The following ZNF808 variants were observed in gnomAD, a reference collection of about 807,000 sequenced individuals.
ZNF808 encodes the protein zinc finger protein 808.
A neutral mutation model predicts 8.7 loss-of-function variants in ZNF808; 5 were observed. The observed-to-expected ratio is 0.58, with a 90% CI of 0.30 to 1.21. ZNF808 has a LOEUF of 1.21. Ranked by LOEUF, ZNF808 falls within the 50% of genes most tolerant of loss-of-function variation. The pLI is 0.07. For missense variants in ZNF808, 1,103 were observed against 1,098.4 expected (o/e 1.00, Z -0.06); for synonymous variants, 380 against 366.0 (o/e 1.04, Z -0.44).
At chr19:52,553,065 T>C (rs2059793271) in intron 4 of ZNF808, 42 bp from the exon 5 acceptor site, 2 of 1,508,150 alleles carry the variant, frequency 1.3e-6, no homozygotes, top group Non-Finnish European at 1.8e-6. Context: ...TGATTTACCA[T>C]CTGTACTTAA....
At chr19:52,551,181 G>A (rs1354161601) in intron 4 of ZNF808, among the ~76,000 whole-genome samples, 3 of 151,796 alleles carry the variant, frequency 2.0e-5, no homozygotes, top group Non-Finnish European at 4.4e-5. Context: ...GTGAAACCCC[G>A]TCTCTAGTAA....
Position 52,553,218 on chromosome 19 carries a change from T to G in ZNF808, c.302T>G (p.Phe101Cys), listed in dbSNP as rs368041948. 2.9e-5 allele frequency: 46 copies of G among 1,613,980 alleles called. 2 individuals are homozygous for G. Among genetic ancestry groups the G allele is most frequent in the Admixed American group, 5.0e-5 (3 of 59,990 alleles). The change falls in exon 5 of 5, where the codon TTT (phenylalanine) becomes TGT (cysteine). Residue 101 changes from phenylalanine to cysteine, a missense_variant. Phe to Cys is a radical substitution (Grantham distance 205). Transcript: ENST00000359798. Reference protein sequence around the residue: ...QRHQSYHIGDFCFQEIEKEIH... With the variant: ...QRHQSYHIGDCCFQEIEKEIH... Reference sequence around the variant, plus strand: ...CATCAAAGTTATCACATTGGAGACTTTTGCTTCCAGGAAATTGAGAAAGAA... The same window carrying G: ...CATCAAAGTTATCACATTGGAGACTGTTGCTTCCAGGAAATTGAGAAAGAA...
intron 2 of ZNF808, among the ~76,000 whole-genome samples, chr19:52,534,846 G>C (rs963765211): frequency 6.6e-6 from 1 of 151,968 alleles, no homozygotes; most frequent in East Asian, 1.9e-4. Context: ...CCACGATCTC[G>C]CAACTGCACC....
chr19:52,544,163 G>GAA (rs1048074388), intron 3 of ZNF808, among the ~76,000 whole-genome samples: 1 of 151,832 alleles, frequency 6.6e-6, no homozygotes, highest in Non-Finnish European at 1.5e-5. Context: ...TGTCTCAAAA[G>GAA]AAAAAAGAGA....
rs771987372 is a variant in ZNF808, at chr19:52,553,798, G to A, written c.882G>A (p.Lys294=). 1.8e-5 allele frequency: 29 copies of A among 1,613,994 alleles called. No homozygotes were observed. The East Asian group carries it at 6.0e-4, about 33-fold the overall frequency. The change falls in exon 5 of 5, where the codon AAG becomes AAA. Residue 294 remains lysine, a synonymous_variant. Coordinates refer to ENST00000359798, the MANE Select transcript of ZNF808 (RefSeq NM_001039886.4). The stretch of plus-strand genomic sequence containing the variant: ...CTTACAAGTGTAAAGAGTGTGGAAA[G>A]TCCTTCAGTTACAAGTCATCCCTTA... ...EKPYKCKECG[K]SFSYKSSLTC... is the part of the protein sequence containing the mutation.
At chr19:52,542,817 T>A (rs2123128374) in intron 2 of ZNF808, among the ~76,000 whole-genome samples, 1 of 149,382 alleles carries the variant, frequency 6.7e-6, no homozygotes, top group Non-Finnish European at 1.5e-5. Context: ...TGAGTTTCCT[T>A]TTTTTTTTTG....
At chr19:52,535,871 C>G (rs1008805706) in intron 2 of ZNF808, 9 of 152,258 alleles carry the variant, frequency 5.9e-5, no homozygotes, top group Non-Finnish European at 1.2e-4. Flanking sequence ...GCACAGGTCC[C>G]GCCCCGGCCC....
intron 1 of ZNF808, among the ~76,000 whole-genome samples, chr19:52,531,505 A>G (rs2059561717): frequency 6.6e-6 from 1 of 150,932 alleles, no homozygotes; most frequent in East Asian, 1.9e-4. Context: ...TAATTAATTA[A>G]TAATAAAAAT....
In ZNF808 at chr19:52,555,305, G is replaced by A; in HGVS notation, c.2389G>A (p.Asp797Asn). Residue 797 changes from aspartate to asparagine, a missense_variant, in exon 5 of 5, where the codon GAC becomes AAC. Coordinates refer to ENST00000359798, the MANE Select transcript of ZNF808 (RefSeq NM_001039886.4). The part of the protein sequence containing the change: ...GEKSYKCTVC[D>N]KAFVRNSYLA... ...GAAATCTTACAAATGTACGGTTTGT[G>A]ACAAGGCTTTCGTGCGTAATTCATA... 6.2e-7 allele frequency: 1 copy of A among 1,614,170 alleles called. No homozygotes were observed. The highest frequency in any genetic ancestry group is 8.5e-7 in the Non-Finnish European group (1 of 1,180,022).
chr19:52,538,478 G>A (rs2059635384), intron 2 of ZNF808, among the ~76,000 whole-genome samples: 1 of 150,656 alleles, frequency 6.6e-6, no homozygotes, highest in Admixed American at 6.7e-5. Context: ...CTGAGTATCT[G>A]GGATTACAGG....
chr19:52,564,257 T>C (rs748694159), exon 4 of ZNF808: 9 of 871,574 alleles, frequency 1.0e-5, no homozygotes, highest in African/African-American at 3.3e-5. Context: ...ATGGCACACA[T>C]ATTTATGCTG....
intron 2 of ZNF808, among the ~76,000 whole-genome samples, chr19:52,538,351 T>TATTATTATTATTATTATTATC (rs1479612086): frequency 2.1e-3 from 315 of 148,890 alleles, no homozygotes; most frequent in Non-Finnish European, 2.6e-3. Context: ...TTATTATTAT[T>TATTATTATTATTATTATTATC]AGTTTTTTGA....
intron 3 of ZNF808, among the ~76,000 whole-genome samples, chr19:52,544,312 C>A (rs2059700735): frequency 6.6e-6 from 1 of 152,014 alleles, no homozygotes; most frequent in South Asian, 2.1e-4. Flanking sequence ...CATGGGTCAC[C>A]ATATGTATGT....
downstream of ZNF808, among the ~76,000 whole-genome samples, chr19:52,558,868 A>C (rs1312208054): frequency 6.6e-6 from 1 of 152,224 alleles, no homozygotes. Context: ...TGTCAACTCA[A>C]GGTTAAATGG....
chr19:52,555,597 A>G lies in ZNF808; in HGVS notation c.2681A>G (p.Gln894Arg). 6.2e-7 allele frequency: 1 copy of G among 1,608,736 alleles called. No individual in the cohort carries two copies. Among genetic ancestry groups the G allele is most frequent in the Non-Finnish European group, 8.5e-7 (1 of 1,177,496 alleles). The change falls in exon 5 of 5, where the codon CAG (glutamine) becomes CGG (arginine). Residue 894 changes from glutamine (Q) to arginine (R), a missense_variant. Physicochemically the swap from Gln to Arg is conservative, Grantham distance 43. Coordinates refer to ENST00000359798, the MANE Select transcript of ZNF808 (RefSeq NM_001039886.4). ...GACCGGTCAACACTTATTCACCATC[A>G]GGCAATTCATGGTATAGGGAAATTT... ...FSDRSTLIHH[Q>R]AIHGIGKFD
At chr19:52,547,739 G>GGTTTTTTTT (rs1491196956) in intron 4 of ZNF808, 101 bp downstream of exon 4, 2 of 843,142 alleles carry the variant, frequency 2.4e-6, no homozygotes, top group Non-Finnish European at 1.6e-6. Context: ...ATCCATGCTG[G>GGTTTTTTTT]TTTTTTTTTT....
intron 4 of ZNF808, among the ~76,000 whole-genome samples, chr19:52,549,747 G>A (rs1328447572): frequency 1.3e-5 from 2 of 152,050 alleles, no homozygotes; most frequent in Non-Finnish European, 2.9e-5. Flanking sequence ...CATTGATCTG[G>A]ATGCAAATAC....
chr19:52,544,163 GAA>G (rs1048074388), intron 3 of ZNF808, among the ~76,000 whole-genome samples: 2 of 151,832 alleles, frequency 1.3e-5, no homozygotes, highest in African/African-American at 4.8e-5. Flanking sequence ...TGTCTCAAAA[GAA>G]AAAAGAGAGA....
chr19:52,538,601 G>A (rs999661772), intron 2 of ZNF808, among the ~76,000 whole-genome samples: 7 of 147,030 alleles, frequency 4.8e-5, no homozygotes, highest in Admixed American at 1.4e-4. Flanking sequence ...GTACTTCAGC[G>A]TGGGCAATAA....
Sources: gnomAD v4.1 joint callset for allele counts (sites outside exome capture counted in the v4.1 genomes callset) on GRCh38, gnomAD v4.1.1 for gene constraint, MANE v1.5 for transcripts, NCBI Gene and HGNC (gene_info 2026-07-23, HGNC 2026-07-21) for gene names.